SLC29A1: variants seen among roughly 807,000 people sequenced by gnomAD.
SLC29A1 encodes the protein equilibrative nucleoside transporter 1.
SLC29A1 carries 22 observed loss-of-function variants against 48.3 expected under a neutral mutation model. The observed-to-expected ratio is 0.46, with a 90% CI of 0.33 to 0.65. The LOEUF is 0.65. Ranked by LOEUF, SLC29A1 falls within the 30% of genes least tolerant of loss-of-function variation. The pLI is 0.03. For missense variants in SLC29A1, 491 were observed against 575.3 expected, an observed-to-expected ratio of 0.85 and a Z score of 1.50; for synonymous variants, 228 against 231.0, an observed-to-expected ratio of 0.99 and a Z score of 0.12.
In SLC29A1 at chr6:44,233,617, G is replaced by A. The variant is rs993042991; in HGVS notation, c.*89G>A. 1.2e-4 allele frequency: 126 copies of A among 1,078,692 alleles called. No individual in the cohort carries two copies. The South Asian group carries it at 1.4e-3, about 12-fold the overall frequency. The allele number at this position is 1,078,692 out of a possible 1,614,324, so 66.8% of individuals were successfully genotyped here. On this transcript the variant is annotated 3_prime_UTR_variant, in exon 13 of 13. Transcript: ENST00000371755. Reference sequence around the variant, plus strand: ...CAGGGGTGATCCTGAGTGGTCTGGCGGTTTTTTCTTCTAACTGACTTCTGC... The same window carrying A: ...CAGGGGTGATCCTGAGTGGTCTGGCAGTTTTTTCTTCTAACTGACTTCTGC...
chr6:44,232,458 T>C lies in SLC29A1; in HGVS notation c.1059+30T>C, dbSNP rs1779113652. 1.4e-6 allele frequency: 2 copies of C among 1,477,492 alleles called. No individual in the cohort carries two copies. The highest frequency in any genetic ancestry group is 2.3e-5 in the East Asian group (1 of 44,258). 91.5% of individuals were successfully genotyped at this position (1,477,492 alleles called of 1,614,324 possible). On this transcript the variant is annotated intron_variant, in intron 11 of 12. Transcript: ENST00000371755. The surrounding 1 kb of genome is among the most constrained non-coding windows in gnomAD (Gnocchi z 4.7). ...GTGGAGGAAGAGGGCCCCAGGCCCC[T>C]GTGGGAAGTAAGAGTCCAGCCTGGA... is the stretch of plus-strand genomic sequence containing the variant.
chr6:44,233,393 C>G (rs765223027), intron 12 of SLC29A1, 24 bp from the exon 13 acceptor site: 2 of 1,588,226 alleles, frequency 1.3e-6, no homozygotes, highest in African/African-American at 1.3e-5. Flanking sequence ...TCTGAGGTAG[C>G]CTTGCCCTTC....
chr6:44,222,404 G>A (rs1264929334), upstream of SLC29A1, among the ~76,000 whole-genome samples: 1 of 152,068 alleles, frequency 6.6e-6, no homozygotes, highest in Non-Finnish European at 1.5e-5. Flanking sequence ...CTCTCCTTAG[G>A]GCCCTGTCTG....
In SLC29A1 at chr6:44,230,125, C is replaced by T. The variant is rs777920006; in HGVS notation, c.454+79C>T. ...CTCTTTTTTCAGACCCAGCGTTAGC[C>T]AGAGAGAAGCCCAGCCTCCGCCTGG... On this transcript the variant is annotated intron_variant, in intron 5 of 12. Coordinates refer to ENST00000371755, the MANE Select transcript of SLC29A1 (RefSeq NM_001372327.1). The T allele has an allele frequency of 2.0e-5, 32 of 1,572,480 alleles. No homozygotes were observed. The Admixed American group carries it at 5.3e-4, about 26-fold the overall frequency.
At chr6:44,230,699 TAGG>T in intron 7 of SLC29A1, 34 bp downstream of exon 7, 1 of 1,172,644 alleles carries the variant, frequency 8.5e-7, no homozygotes, top group Non-Finnish European at 1.2e-6. Context: ...GTTTGGGGTA[TAGG>T]GGTCTGGGGT....
chr6:44,230,565 C>T lies in SLC29A1; in HGVS notation c.590-3C>T, dbSNP rs1280463061. 1 of 1,614,050 alleles carries T rather than the reference C, an allele frequency of 6.2e-7. No individual in the cohort carries two copies. The highest frequency in any genetic ancestry group is 8.5e-7 in the Non-Finnish European group (1 of 1,179,894). Reference sequence around the variant, plus strand: ...CTGTCTCTGATCACTGACACCACCCCAGGTGGCTCGGAGCTATCAGAAAGT... The same window carrying T: ...CTGTCTCTGATCACTGACACCACCCTAGGTGGCTCGGAGCTATCAGAAAGT... On this transcript the variant is annotated splice_region_variant and splice_polypyrimidine_tract_variant and intron_variant, in intron 6 of 12. Coordinates refer to ENST00000371755, the MANE Select transcript of SLC29A1 (RefSeq NM_001372327.1).
At chr6:44,227,044 A>G in intron 1 of SLC29A1, 1 of 1,339,600 alleles carries the variant, frequency 7.5e-7, no homozygotes, top group Non-Finnish European at 9.6e-7. Flanking sequence ...AGCCAGGTAG[A>G]GTCTGAGCAG....
upstream of SLC29A1, chr6:44,219,753 G>T: frequency 7.8e-7 from 1 of 1,288,906 alleles, no homozygotes; most frequent in South Asian, 1.2e-5. Flanking sequence ...CCCCCACCAA[G>T]TCCGGATGCT....
rs1217955694 is a variant in SLC29A1, at chr6:44,232,202, T to C, written c.973+96T>C. On this transcript the variant is annotated intron_variant, in intron 10 of 12. Coordinates refer to ENST00000371755, the MANE Select transcript of SLC29A1 (RefSeq NM_001372327.1). The surrounding 1 kb of genome is among the most constrained non-coding windows in gnomAD (Gnocchi z 4.7). The stretch of plus-strand genomic sequence containing the variant: ...GGGAGCCTGGGTCACCTTCTCCCCG[T>C]TTCCTGGGTCCATTTGCCCTTCCCT... 10 of 1,171,474 alleles carry C rather than the reference T, an allele frequency of 8.5e-6. No individual in the cohort carries two copies. Among genetic ancestry groups the C allele is most frequent in the Non-Finnish European group, 1.2e-5 (9 of 779,636 alleles). The allele number at this position is 1,171,474 out of a possible 1,614,324, so 72.6% of individuals were successfully genotyped here.
intron 8 of SLC29A1, 81 bp downstream of exon 8, chr6:44,230,970 T>G (rs1199325468): frequency 9.3e-7 from 1 of 1,071,988 alleles, no homozygotes; most frequent in Non-Finnish European, 1.4e-6. Context: ...CAAAGATGAG[T>G]GCCCTGTGTT....
rs1776793597 is a variant in SLC29A1 at position 44,223,747 on chromosome 6, C to T, written c.-52+106C>T. The T allele has an allele frequency of 6.8e-6, 7 of 1,036,878 alleles. No individual in the cohort carries two copies. The highest frequency in any genetic ancestry group is 8.1e-6 in the Non-Finnish European group (7 of 859,274). The allele number at this position is 1,036,878 out of a possible 1,614,324, so 64.2% of individuals were successfully genotyped here. On this transcript the variant is annotated intron_variant, in intron 1 of 12. Coordinates refer to ENST00000371755, the MANE Select transcript of SLC29A1 (RefSeq NM_001372327.1). The surrounding 1 kb of genome is among the most constrained non-coding windows in gnomAD (Gnocchi z 5.0). ...GAGGGCGGGCCTGACGGCTCCGCAG[C>T]CCGGAGAAGGGACGCCGGGTGGGGC...
chr6:44,229,054 C>T lies in SLC29A1; in HGVS notation c.30-336C>T, dbSNP rs968689137. Among the ~76,000 whole-genome samples the T allele has an allele frequency of 5.9e-5, 9 of 152,236 alleles. No individual in the cohort carries two copies. The highest frequency in any genetic ancestry group is 3.9e-4 in the Admixed American group (6 of 15,282). On this transcript the variant is annotated intron_variant, in intron 2 of 12. Transcript: ENST00000371755. The surrounding 1 kb of genome is among the most constrained non-coding windows in gnomAD (Gnocchi z 5.1). Reference sequence around the variant, plus strand: ...ACTCATCCACCCACCCCCTGCCCTTCGGCAGGATTTCCAAAACCATCTCCG... The same window carrying T: ...ACTCATCCACCCACCCCCTGCCCTTTGGCAGGATTTCCAAAACCATCTCCG...
At chr6:44,221,999 G>A (rs566468148), upstream of SLC29A1, among the ~76,000 whole-genome samples, 20 of 152,258 alleles carry the variant, frequency 1.3e-4, no homozygotes, top group African/African-American at 4.3e-4. This position sits in a 1 kb window ranked among gnomAD's most constrained non-coding sequence, Gnocchi z 4.2. Context: ...GCCATGCCTG[G>A]CAGATCTTCT....
chr6:44,231,924 T>G (rs775865898), intron 9 of SLC29A1, 74 bp from the exon 10 acceptor site: 6 of 1,144,870 alleles, frequency 5.2e-6, no homozygotes, highest in Non-Finnish European at 7.9e-6. Flanking sequence ...ACGCCTGGCC[T>G]GGATTCGTGG....
Position 44,230,572 on chromosome 6 carries a change from C to T in SLC29A1, c.594C>T (p.Gly198=), listed in dbSNP as rs780079904. 32 of 1,614,008 alleles carry T rather than the reference C, an allele frequency of 2.0e-5. No individual in the cohort carries two copies. The highest frequency in any genetic ancestry group is 2.5e-5 in the Non-Finnish European group (30 of 1,179,976). ...SVAMICAIAS[G]SELSESAFGY... ...TGATCACTGACACCACCCCAGGTGG[C>T]TCGGAGCTATCAGAAAGTGCCTTCG... Residue 198 remains glycine (G), a synonymous_variant, in exon 7 of 13, where the codon GGC becomes GGT. Coordinates refer to ENST00000371755, the MANE Select transcript of SLC29A1 (RefSeq NM_001372327.1).
Position 44,232,256 on chromosome 6 carries a change from G to A in SLC29A1, c.974-87G>A, listed in dbSNP as rs1040436990. ...CTGGAAGCATCTTCTCCATTTTACT[G>A]TTGGGGAAGCTGAGGCCCAGTGAAG... On this transcript the variant is annotated intron_variant, in intron 10 of 12. Transcript: ENST00000371755. The surrounding 1 kb of genome is among the most constrained non-coding windows in gnomAD (Gnocchi z 4.7). The A allele has an allele frequency of 4.2e-6, 5 of 1,179,676 alleles. No homozygotes were observed. Among genetic ancestry groups the A allele is most frequent in the Non-Finnish European group, 6.4e-6 (5 of 784,676 alleles). 73.1% of individuals were successfully genotyped at this position (1,179,676 alleles called of 1,614,324 possible). A position where few individuals can be genotyped will look rare whatever the true frequency, so the allele number is the denominator to read the frequency against.
intron 2 of SLC29A1, among the ~76,000 whole-genome samples, chr6:44,228,953 A>C (rs1001438264): frequency 2.0e-5 from 3 of 152,210 alleles, no homozygotes; most frequent in African/African-American, 7.2e-5. Context: ...GGGGAGTAAC[A>C]CAGTCCCTGA....
At chr6:44,220,662 A>C (rs1424467140), upstream of SLC29A1, among the ~76,000 whole-genome samples, 3 of 138,866 alleles carry the variant, frequency 2.2e-5, no homozygotes, top group Non-Finnish European at 3.2e-5. Context: ...AAAAAAAAAA[A>C]AAAAATACAA....
rs768132451 is a variant in SLC29A1 at position 44,229,694 on chromosome 6, C to T, written c.217C>T (p.Arg73Trp). ...SAAPAAPLPERNSLSAIFNNV... is the reference protein window; with the variant it reads ...SAAPAAPLPEWNSLSAIFNNV... The stretch of plus-strand genomic sequence containing the variant: ...CGCCCCTGCAGCACCCTTGCCTGAG[C>T]GGAACTCTCTCAGTGCCATCTTCAA... Residue 73 changes from arginine to tryptophan, a missense_variant, in exon 4 of 13, where the codon CGG becomes TGG. By Grantham distance (101) the Arg-to-Trp change is moderately radical. Coordinates refer to ENST00000371755, the MANE Select transcript of SLC29A1 (RefSeq NM_001372327.1). This position sits in a 1 kb window ranked among gnomAD's most constrained non-coding sequence, Gnocchi z 5.1. The T allele has an allele frequency of 5.0e-6, 8 of 1,613,914 alleles. No homozygotes were observed. Among genetic ancestry groups the T allele is most frequent in the East Asian group, 2.2e-5 (1 of 44,888 alleles).
Sources: allele counts gnomAD v4.1 joint callset (sites outside exome capture counted in the v4.1 genomes callset), GRCh38; gene constraint gnomAD v4.1.1; non-coding constraint Gnocchi (gnomAD v3.1); transcripts MANE v1.5; gene names NCBI Gene and HGNC (gene_info 2026-07-23, HGNC 2026-07-21).